Variants in MAN2B1 observed in about 807,000 individuals in gnomAD.
The protein encoded by MAN2B1 is lysosomal alpha-mannosidase.
A neutral mutation model predicts 127.5 loss-of-function variants in MAN2B1; 99 were observed. The observed-to-expected ratio is 0.78, with a 90% CI of 0.66 to 0.92. MAN2B1 has a LOEUF of 0.92. Ranked by LOEUF, MAN2B1 falls within the 40% of genes least tolerant of loss-of-function variation. MAN2B1 has a pLI of 0.00. For synonymous variants in MAN2B1, 573 were observed against 568.8 expected, an observed-to-expected ratio of 1.01 and a Z score of -0.11; for missense variants, 1,304 against 1,384.8, an observed-to-expected ratio of 0.94 and a Z score of 0.93.
chr19:12,655,929 A>G, intron 13 of MAN2B1, 50 bp from the exon 14 acceptor site: 2 of 1,516,256 alleles, frequency 1.3e-6, no homozygotes, highest in Non-Finnish European at 1.8e-6. Context: ...ATGGAAAGCT[A>G]TACATGCATG....
At chr19:12,649,451 C>G (rs761674139) in intron 18 of MAN2B1, 23 bp from the exon 19 acceptor site, 1 of 1,191,564 alleles carries the variant, frequency 8.4e-7, no homozygotes, top group Non-Finnish European at 1.2e-6. Flanking sequence ...GTGAGCTGAT[C>G]AGGCTTGGGA....
Position 12,650,138 on chromosome 19 carries a change from C to G in MAN2B1, c.2131G>C (p.Glu711Gln), listed in dbSNP as rs1599342198. ...VRLYPGQRHL[E>Q]LEWSVGPIPV... ...ATCGGCCCCACCGACCACTCTAGCT[C>G]CAGGTGCCGCTGTCCTGGGTACAGG... The change falls in exon 17 of 24, where the codon GAG (glutamate) becomes CAG (glutamine). Residue 711 changes from glutamate (E) to glutamine (Q), a missense_variant. By Grantham distance (29) the Glu-to-Gln change is conservative. Coordinates refer to ENST00000456935, the MANE Select transcript of MAN2B1 (RefSeq NM_000528.4). 1 of 1,614,128 alleles carries G rather than the reference C, an allele frequency of 6.2e-7. No homozygotes were observed. Among genetic ancestry groups the G allele is most frequent in the Non-Finnish European group, 8.5e-7 (1 of 1,180,032 alleles).
At chr19:12,661,450 A>G in intron 6 of MAN2B1, 74 bp from the exon 7 acceptor site, 1 of 973,532 alleles carries the variant, frequency 1.0e-6, no homozygotes, top group Non-Finnish European at 1.7e-6. Flanking sequence ...TTTGATGTAT[A>G]TGGGGTCAAG....
Position 12,663,421 on chromosome 19 carries a change from A to G in MAN2B1, c.805T>C (p.Trp269Arg), listed in dbSNP as rs1464789041. The change falls in exon 6 of 24, where the codon TGG (tryptophan) becomes CGG (arginine). Residue 269 changes from tryptophan to arginine, a missense_variant. By Grantham distance (101) the Trp-to-Arg change is moderately radical (BLOSUM62 -3). Coordinates refer to ENST00000456935, the MANE Select transcript of MAN2B1 (RefSeq NM_000528.4). ...NGYNPPRNLCWDVLCVDQPLV... is the reference protein window; with the variant it reads ...NGYNPPRNLCRDVLCVDQPLV... ...GGCTGATCGACACACAGCACATCCC[A>G]GCACAGATTCCTTGGCGGGTTGTAA... 6.2e-7 allele frequency: 1 copy of G among 1,614,024 alleles called. No homozygotes were observed. The highest frequency in any genetic ancestry group is 1.3e-5 in the African/African-American group (1 of 74,942).
chr19:12,660,655 T>C (rs2024080284), intron 7 of MAN2B1, among the ~76,000 whole-genome samples: 1 of 152,040 alleles, frequency 6.6e-6, no homozygotes, highest in Non-Finnish European at 1.5e-5. Flanking sequence ...CTTCTAGATG[T>C]TGGAAAAAGC....
intron 7 of MAN2B1, among the ~76,000 whole-genome samples, chr19:12,659,256 C>T (rs1217897283): frequency 6.6e-6 from 1 of 150,982 alleles, no homozygotes; most frequent in East Asian, 2.0e-4. Context: ...TTGTTTTGCA[C>T]GAGCTGTGTC....
chr19:12,648,130 G>C (rs1388673999), intron 21 of MAN2B1, 45 bp downstream of exon 21: 1 of 1,503,972 alleles, frequency 6.6e-7, no homozygotes, highest in South Asian at 1.2e-5. Flanking sequence ...CGGCTCCCTG[G>C]TAGACTTCAA....
rs1165486427 is a variant in MAN2B1, at chr19:12,648,245, A to G, written c.2594T>C (p.Leu865Pro). Reference protein sequence around the residue: ...GHRLLAEQEVLAPQVVLAPGG... With the variant: ...GHRLLAEQEVPAPQVVLAPGG... ...CGGGGCCAGCACCACCTGAGGGGCC[A>G]GGACCTCCTGCTCCGCCAGGAGCCG... The change falls in exon 21 of 24, where the codon CTG becomes CCG. Residue 865 changes from leucine (L) to proline (P), a missense_variant. Coordinates refer to ENST00000456935, the MANE Select transcript of MAN2B1 (RefSeq NM_000528.4). 2 of 1,598,350 alleles carry G rather than the reference A, an allele frequency of 1.3e-6. No homozygotes were observed. Among genetic ancestry groups the G allele is most frequent in the African/African-American group, 1.3e-5 (1 of 74,456 alleles).
In MAN2B1 at chr19:12,647,644, G is replaced by T; in HGVS notation, c.2665-46C>A. 2 of 1,563,714 alleles carry T rather than the reference G, an allele frequency of 1.3e-6. No individual in the cohort carries two copies. Among genetic ancestry groups the T allele is most frequent in the Middle Eastern group, 2.1e-4 (1 of 4,750 alleles). ...CTGAGTTGGAGAGGGGCGGGGCCTGGATGGAGAAGGGCGGGGCCGAGCCAG... is the reference window on the plus strand; with the variant it reads ...CTGAGTTGGAGAGGGGCGGGGCCTGTATGGAGAAGGGCGGGGCCGAGCCAG... On this transcript the variant is annotated intron_variant, in intron 21 of 23. Transcript: ENST00000456935. The surrounding 1 kb of genome is among the most constrained non-coding windows in gnomAD (Gnocchi z 4.9).
In MAN2B1 at chr19:12,652,264, G is replaced by A. The variant is rs34853569; in HGVS notation, c.1935C>T (p.Asn645=). Residue 645 remains asparagine (N), a synonymous_variant, in exon 16 of 24, where the codon AAC becomes AAT. Transcript: ENST00000456935. ...CACTTTCGTTGTCACCTATACTGGC[G>A]TTGTACCTGGAGTTGGGGCAGGTGA... is the stretch of plus-strand genomic sequence containing the variant. ...LPVRQTFFWY[N]ASIGDNESDQ... is the part of the protein sequence containing the mutation. 3,436 of 1,613,832 alleles carry A rather than the reference G, an allele frequency of 2.1e-3. 64 individuals are homozygous for A. The African/African-American group carries it at 0.037, about 18-fold the overall frequency.
chr19:12,666,401 A>T (rs923822154), intron 1 of MAN2B1, 142 bp downstream of exon 1: 18 of 928,114 alleles, frequency 1.9e-5, no homozygotes, highest in African/African-American at 3.3e-5. Context: ...CCTCGCAATG[A>T]CACAAAGCAC....
intron 14 of MAN2B1, among the ~76,000 whole-genome samples, chr19:12,653,388 AC>A (rs34489442): frequency 0.38 from 51,595 of 135,030 alleles, 9,794 homozygotes; most frequent in East Asian, 0.84. Flanking sequence ...CTCATGATCC[AC>A]CCCCCCCTCA....
Position 12,646,578 on chromosome 19 carries a change from C to A in MAN2B1, c.*42G>T. On this transcript the variant is annotated 3_prime_UTR_variant, in exon 24 of 24. Coordinates refer to ENST00000456935, the MANE Select transcript of MAN2B1 (RefSeq NM_000528.4). ...GGAGAGTCAGAGTCTGGTCTGCCCCCGGAGCAGGAGGCTTGGGCTTGGAGG... is the reference window on the plus strand; with the variant it reads ...GGAGAGTCAGAGTCTGGTCTGCCCCAGGAGCAGGAGGCTTGGGCTTGGAGG... 1 of 1,460,760 alleles carries A rather than the reference C, an allele frequency of 6.8e-7. No homozygotes were observed. The allele number at this position is 1,460,760 out of a possible 1,614,324, so 90.5% of individuals were successfully genotyped here.
At chr19:12,657,309 C>T in intron 11 of MAN2B1, 137 bp downstream of exon 11, 1 of 803,682 alleles carries the variant, frequency 1.2e-6, no homozygotes, top group Non-Finnish European at 2.1e-6. Flanking sequence ...CCTACAAGCC[C>T]CGCCCCCACG....
At chr19:12,664,528 G>A (rs1233847683) in intron 4 of MAN2B1, among the ~76,000 whole-genome samples, 1 of 152,264 alleles carries the variant, frequency 6.6e-6, no homozygotes, top group African/African-American at 2.4e-5. Context: ...CCGAGCTAGT[G>A]GGTGGGGCCA....
rs2023772904 is a variant in MAN2B1 at position 12,649,123 on chromosome 19, C to G, written c.2436+13G>C. 2 of 1,610,768 alleles carry G rather than the reference C, an allele frequency of 1.2e-6. No individual in the cohort carries two copies. The highest frequency in any genetic ancestry group is 2.2e-5 in the South Asian group (2 of 90,890). On this transcript the variant is annotated intron_variant, in intron 20 of 23. Coordinates refer to ENST00000456935, the MANE Select transcript of MAN2B1 (RefSeq NM_000528.4). ...GGAGGACCCTGGCTCGGATGGGGCTCTGACCCACTCACCATGAGCTCCAGC... is the reference window on the plus strand; with the variant it reads ...GGAGGACCCTGGCTCGGATGGGGCTGTGACCCACTCACCATGAGCTCCAGC...
rs1599344106 is a variant in MAN2B1, at chr19:12,652,044, A to C, written c.2046+109T>G. ...TGTGGGTCTTAGCCCACTGATCTGA[A>C]GGAAAAGTAAATCCTCCCCTACCCT... On this transcript the variant is annotated intron_variant, in intron 16 of 23. Transcript: ENST00000456935. 8.2e-6 allele frequency: 7 copies of C among 857,284 alleles called. No individual in the cohort carries two copies. The Admixed American group carries it at 1.2e-4, about 15-fold the overall frequency. 53.1% of individuals were successfully genotyped at this position (857,284 alleles called of 1,614,324 possible). A position where few individuals can be genotyped will look rare whatever the true frequency, so the allele number is the denominator to read the frequency against.
At chr19:12,653,393 C>T (rs1470952257) in intron 14 of MAN2B1, among the ~76,000 whole-genome samples, 2 of 151,452 alleles carry the variant, frequency 1.3e-5, no homozygotes, top group African/African-American at 2.4e-5. Flanking sequence ...GATCCACCCC[C>T]CCCTCAGCCT....
intron 6 of MAN2B1, among the ~76,000 whole-genome samples, chr19:12,662,951 T>TA (rs889918136): frequency 2.2e-4 from 20 of 90,318 alleles, no homozygotes; most frequent in African/African-American, 8.6e-4. Context: ...AAAAAAAAAA[T>TA]AATAATAAAT....
Sources: gnomAD v4.1 joint callset for allele counts (sites outside exome capture counted in the v4.1 genomes callset) on GRCh38, gnomAD v4.1.1 for gene constraint, Gnocchi (gnomAD v3.1) non-coding constraint, MANE v1.5 for transcripts, NCBI Gene and HGNC (gene_info 2026-07-23, HGNC 2026-07-21) for gene names.